The following DRAXIN variants were observed in gnomAD, a reference collection of about 807,000 sequenced individuals.
DRAXIN encodes the protein dorsal repulsive axon guidance protein.
Under a neutral mutation model 33.9 loss-of-function variants are expected in DRAXIN, and 27 were observed. The ratio of observed to expected loss-of-function variants is 0.80; its 90% confidence interval spans 0.59 to 1.10. The LOEUF (loss-of-function observed/expected upper bound fraction) is 1.10. Ranked by LOEUF, DRAXIN falls within the 50% of genes least tolerant of loss-of-function variation. The pLI is 0.00. For missense variants in DRAXIN, 371 were observed against 460.8 expected, an observed-to-expected ratio of 0.81 and a Z score of 1.78; for synonymous variants, 178 against 194.0, an observed-to-expected ratio of 0.92 and a Z score of 0.69.
rs1641379570 is a variant in DRAXIN, at chr1:11,706,339, C to T, written c.81C>T (p.Ala27=). The change falls in exon 2 of 7, where the codon GCC becomes GCT. Residue 27 remains alanine (A), a synonymous_variant. Transcript: ENST00000294485. The surrounding 1 kb of genome is among the most constrained non-coding windows in gnomAD (Gnocchi z 5.5). Reference sequence around the variant, plus strand: ...CCCTGGAGCTGAGCCTGGCAGGCGCCCTTGCACCTGGGACCCCTGCCCGGA... The same window carrying T: ...CCCTGGAGCTGAGCCTGGCAGGCGCTCTTGCACCTGGGACCCCTGCCCGGA... ...LLPLELSLAG[A]LAPGTPARNL... The T allele has an allele frequency of 1.2e-6, 2 of 1,613,896 alleles. No homozygotes were observed. Among genetic ancestry groups the T allele is most frequent in the Admixed American group, 1.7e-5 (1 of 60,022 alleles).
chr1:11,714,405 G>A (rs993303002), intron 5 of DRAXIN, among the ~76,000 whole-genome samples: 4 of 152,230 alleles, frequency 2.6e-5, no homozygotes, highest in Admixed American at 6.5e-5. Flanking sequence ...CCCCATGCCC[G>A]TCATTGGCAG....
At chr1:11,717,266 G>A (rs1172127146) in intron 6 of DRAXIN, among the ~76,000 whole-genome samples, 1 of 151,998 alleles carries the variant, frequency 6.6e-6, no homozygotes, top group Admixed American at 6.6e-5. Flanking sequence ...CTGGGTGACT[G>A]AGTGAGACTC....
chr1:11,712,850 C>A (rs903266326), intron 5 of DRAXIN, among the ~76,000 whole-genome samples: 1 of 151,422 alleles, frequency 6.6e-6, no homozygotes, highest in African/African-American at 2.4e-5. Flanking sequence ...TTGCAGTGAG[C>A]TGGGATCATG....
In DRAXIN at chr1:11,694,200, A is replaced by G. The variant is rs1426347830; in HGVS notation, c.-11+2347A>G. 6.6e-6 allele frequency among the ~76,000 whole-genome samples: 1 copy of G among 152,074 alleles called. No individual in the cohort carries two copies. Among genetic ancestry groups the G allele is most frequent in the African/African-American group, 2.4e-5 (1 of 41,408 alleles). ...TGGGTCTCCTTCTGCTTGTGGTCCC[A>G]GTGCCTGGCACGCAGTAGGGGCTCT... is the stretch of plus-strand genomic sequence containing the variant. On this transcript the variant is annotated intron_variant, in intron 1 of 6. Transcript: ENST00000294485. This position sits in a 1 kb window ranked among gnomAD's most constrained non-coding sequence, Gnocchi z 4.9.
chr1:11,700,651 T>C (rs1641257026), intron 1 of DRAXIN, among the ~76,000 whole-genome samples: 1 of 152,252 alleles, frequency 6.6e-6, no homozygotes, highest in Non-Finnish European at 1.5e-5. Flanking sequence ...CACGAATTTG[T>C]CGCTTTGGCA....
chr1:11,691,630 C>G, upstream of DRAXIN: 1 of 150,092 alleles, frequency 6.7e-6, no homozygotes, highest in African/African-American at 2.4e-5. Context: ...CAGTCGAGCC[C>G]GCCACCCGCC....
At chr1:11,690,977 T>C (rs902978531), upstream of DRAXIN, among the ~76,000 whole-genome samples, 11 of 152,054 alleles carry the variant, frequency 7.2e-5, no homozygotes, top group Non-Finnish European at 1.5e-4. The surrounding 1 kb of genome is among the most constrained non-coding windows in gnomAD (Gnocchi z 4.2). Context: ...GGCGGTTGTC[T>C]TTCTCCCTTC....
chr1:11,711,725 A>C (rs1247645959), intron 3 of DRAXIN, 126 bp from the exon 4 acceptor site: 2 of 813,410 alleles, frequency 2.5e-6, no homozygotes, highest in Admixed American at 2.4e-5. Flanking sequence ...CTGAGACTCC[A>C]GGCTGCCCAG....
Position 11,719,962 on chromosome 1 carries a change from A to G in DRAXIN, c.*266A>G. 3 of 470,728 alleles carry G rather than the reference A, an allele frequency of 6.4e-6. No individual in the cohort carries two copies. Among genetic ancestry groups the G allele is most frequent in the Non-Finnish European group, 7.9e-6 (2 of 253,638 alleles). 29.2% of individuals were successfully genotyped at this position (470,728 alleles called of 1,614,324 possible). On this transcript the variant is annotated 3_prime_UTR_variant, in exon 7 of 7. Coordinates refer to ENST00000294485, the MANE Select transcript of DRAXIN (RefSeq NM_198545.4). ...TGCTCTCCGCGATGGCAATGCCGAGAGTGCCCTCTACTGTCCGACTCCAGC... is the reference window on the plus strand; with the variant it reads ...TGCTCTCCGCGATGGCAATGCCGAGGGTGCCCTCTACTGTCCGACTCCAGC...
intron 6 of DRAXIN, among the ~76,000 whole-genome samples, chr1:11,717,774 G>A (rs1383145355): frequency 6.8e-6 from 1 of 146,992 alleles, no homozygotes; most frequent in Non-Finnish European, 1.5e-5. Context: ...CCTTGAGCCC[G>A]GAGTTGGAGA....
At chr1:11,707,720 C>T (rs1318142394) in intron 2 of DRAXIN, among the ~76,000 whole-genome samples, 4 of 152,214 alleles carry the variant, frequency 2.6e-5, no homozygotes, top group Non-Finnish European at 5.9e-5. Flanking sequence ...TAGCCCTTCC[C>T]ACCTTCCTTA....
rs1363980969 is a variant in DRAXIN, at chr1:11,706,196, G to A, written c.-10-53G>A. On this transcript the variant is annotated intron_variant, in intron 1 of 6. Transcript: ENST00000294485. This position sits in a 1 kb window ranked among gnomAD's most constrained non-coding sequence, Gnocchi z 5.5. ...CTGGGCTTTAATCATTTGAGTGAGG[G>A]GCAGCAGAGAGAGGCCTGGGGCTGC... 7.7e-6 allele frequency: 11 copies of A among 1,429,492 alleles called. No individual in the cohort carries two copies. The highest frequency in any genetic ancestry group is 1.0e-5 in the Non-Finnish European group (11 of 1,076,746). The allele number at this position is 1,429,492 out of a possible 1,614,324, so 88.6% of individuals were successfully genotyped here. A position where few individuals can be genotyped will look rare whatever the true frequency, so the allele number is the denominator to read the frequency against.
intron 5 of DRAXIN, among the ~76,000 whole-genome samples, chr1:11,713,026 C>T (rs990878606): frequency 1.3e-5 from 2 of 151,806 alleles, no homozygotes; most frequent in African/African-American, 2.4e-5. Flanking sequence ...GGTGAAACCC[C>T]GTCTCTACTA....
At chr1:11,695,980 G>A (rs938196297) in intron 1 of DRAXIN, among the ~76,000 whole-genome samples, 1 of 152,266 alleles carries the variant, frequency 6.6e-6, no homozygotes. Flanking sequence ...AAAATCCCAA[G>A]GCTGCTGTCG....
chr1:11,707,215 AT>A (rs1641398354), intron 2 of DRAXIN, among the ~76,000 whole-genome samples: 1 of 152,160 alleles, frequency 6.6e-6, no homozygotes, highest in Non-Finnish European at 1.5e-5. Context: ...AATAATAATA[AT>A]AATCTGTCTT....
Position 11,715,129 on chromosome 1 carries a change from C to A in DRAXIN, c.858C>A (p.Cys286Ter), listed in dbSNP as rs772484470. 6.2e-7 allele frequency: 1 copy of A among 1,614,102 alleles called. No homozygotes were observed. The highest frequency in any genetic ancestry group is 1.3e-5 in the African/African-American group (1 of 74,940). ...HHQDCLPGTC[C>*]DLREHLCTPH... is the part of the protein sequence containing the mutation. ...TCTCTGTGTTGGCAGGGACTTGCTG[C>A]GACCTGCGGGAGCATCTCTGCACAC... The change falls in exon 6 of 7, where the codon TGC becomes TGA. Residue 286 changes from cysteine to a stop codon, truncating the protein, a stop_gained. Coordinates refer to ENST00000294485, the MANE Select transcript of DRAXIN (RefSeq NM_198545.4). LOFTEE classifies it high-confidence loss of function.
rs1304233364 is a variant in DRAXIN, at chr1:11,694,211, C to G, written c.-11+2358C>G. Among the ~76,000 whole-genome samples the G allele has an allele frequency of 6.6e-6, 1 of 152,076 alleles. No homozygotes were observed. Among genetic ancestry groups the G allele is most frequent in the Non-Finnish European group, 1.5e-5 (1 of 68,022 alleles). Reference sequence around the variant, plus strand: ...CTGCTTGTGGTCCCAGTGCCTGGCACGCAGTAGGGGCTCTGTGCACACCTG... The same window carrying G: ...CTGCTTGTGGTCCCAGTGCCTGGCAGGCAGTAGGGGCTCTGTGCACACCTG... On this transcript the variant is annotated intron_variant, in intron 1 of 6. Transcript: ENST00000294485. The surrounding 1 kb of genome is among the most constrained non-coding windows in gnomAD (Gnocchi z 4.9).
Position 11,696,451 on chromosome 1 carries a change from T to G in DRAXIN, c.-11+4598T>G, listed in dbSNP as rs1372644437. Among the ~76,000 whole-genome samples, 1 of 151,872 alleles carries G rather than the reference T, an allele frequency of 6.6e-6. No individual in the cohort carries two copies. Among genetic ancestry groups the G allele is most frequent in the Admixed American group, 6.6e-5 (1 of 15,222 alleles). ...AAATACAAAAATTAGCCGGGCATGGTGGTGGGAGCCTGTAATCCCAGTTAC... is the reference window on the plus strand; with the variant it reads ...AAATACAAAAATTAGCCGGGCATGGGGGTGGGAGCCTGTAATCCCAGTTAC... On this transcript the variant is annotated intron_variant, in intron 1 of 6. Transcript: ENST00000294485. This position sits in a 1 kb window ranked among gnomAD's most constrained non-coding sequence, Gnocchi z 4.7.
At chr1:11,712,103 A>G in intron 4 of DRAXIN, 138 bp downstream of exon 4, 1 of 915,614 alleles carries the variant, frequency 1.1e-6, no homozygotes, top group Non-Finnish European at 1.7e-6. Context: ...GGGAGCATGG[A>G]GCCTAACCTG....
Sources: gnomAD v4.1 joint callset for allele counts (sites outside exome capture counted in the v4.1 genomes callset) on GRCh38, gnomAD v4.1.1 for gene constraint, Gnocchi (gnomAD v3.1) non-coding constraint, MANE v1.5 for transcripts, NCBI Gene and HGNC (gene_info 2026-07-23, HGNC 2026-07-21) for gene names.